CLK4: variants seen among roughly 807,000 people sequenced by gnomAD.
CLK4 encodes CDC like kinase 4.
In CLK4, 37 loss-of-function variants were observed where a neutral mutation model predicts 64.4. The observed-to-expected ratio is 0.57, with a 90% CI of 0.44 to 0.76. The LOEUF is 0.76. Ranked by LOEUF, CLK4 falls within the 30% of genes least tolerant of loss-of-function variation. The pLI, the probability that CLK4 is intolerant of heterozygous loss-of-function variation, is 0.00. For missense variants in CLK4, 457 were observed against 605.1 expected (o/e 0.76, Z 2.57); for synonymous variants, 175 against 191.6 (o/e 0.91, Z 0.72).
In CLK4 at chr5:178,612,888, A is replaced by T; in HGVS notation, c.829T>A (p.Leu277Ile). ...GTATGGGTTAATTTATTATGATGTA[A>T]AACTACAAGAGAACAAAAGCACATT... Reference protein sequence around the residue: ...AYQICQSINFLHHNKLTHTDL... With the variant: ...AYQICQSINFIHHNKLTHTDL... Residue 277 changes from leucine (L) to isoleucine (I), a missense_variant and splice_region_variant, in exon 8 of 13, where the codon TTA (leucine) becomes ATA (isoleucine). Coordinates refer to ENST00000316308, the MANE Select transcript of CLK4 (RefSeq NM_020666.3). The T allele has an allele frequency of 6.9e-7, 1 of 1,457,674 alleles. No individual in the cohort carries two copies. Among genetic ancestry groups the T allele is most frequent in the Non-Finnish European group, 9.5e-7 (1 of 1,050,362 alleles). 90.3% of individuals were successfully genotyped at this position (1,457,674 alleles called of 1,614,324 possible).
chr5:178,625,354 A>G (rs1029212731), intron 1 of CLK4, among the ~76,000 whole-genome samples: 4 of 151,254 alleles, frequency 2.6e-5, no homozygotes, highest in Non-Finnish European at 4.4e-5. Context: ...AGCCCAAGGA[A>G]GTCAAGGCTG....
intron 1 of CLK4, among the ~76,000 whole-genome samples, chr5:178,624,852 G>GA (rs1298412065): frequency 6.6e-6 from 1 of 152,120 alleles, no homozygotes; most frequent in Non-Finnish European, 1.5e-5. Context: ...ATTCTTCTGG[G>GA]AGGTATTCCA....
chr5:178,612,428 C>T lies in CLK4; in HGVS notation c.1039G>A (p.Glu347Lys), dbSNP rs1171473447. Reference protein sequence around the residue: ...LVSTRHYRAPEVILALGWSQP... With the variant: ...LVSTRHYRAPKVILALGWSQP... ...GGTGTCTACTGACCCAAAATGACCT[C>T]GGGAGCTCTGTAGTGCCGGGTAGAC... Residue 347 changes from glutamate (E) to lysine (K), a missense_variant, in exon 9 of 13, where the codon GAG becomes AAG. Transcript: ENST00000316308. 3 of 1,611,488 alleles carry T rather than the reference C, an allele frequency of 1.9e-6. No individual in the cohort carries two copies. The highest frequency in any genetic ancestry group is 2.5e-6 in the Non-Finnish European group (3 of 1,178,496).
chr5:178,623,257 A>C lies in CLK4; in HGVS notation c.160T>G (p.Cys54Gly). The C allele has an allele frequency of 1.2e-6, 2 of 1,613,176 alleles. No homozygotes were observed. The highest frequency in any genetic ancestry group is 2.2e-5 in the South Asian group (2 of 90,930). ...CTAGTAGTTCAAGAGTTAATTTACCAATCAGATTCTTTAAACTGGTGATGT... is the reference window on the plus strand; with the variant it reads ...CTAGTAGTTCAAGAGTTAATTTACCCATCAGATTCTTTAAACTGGTGATGT... ...KPHHQFKESD[C>G]HYLEARSLNE... The change falls in exon 2 of 13, where the codon TGT (cysteine) becomes GGT (glycine). Residue 54 changes from cysteine (C) to glycine (G), a missense_variant and splice_region_variant. Coordinates refer to ENST00000316308, the MANE Select transcript of CLK4 (RefSeq NM_020666.3).
At chr5:178,626,894 G>A (rs1185778943) in intron 1 of CLK4, 52 bp downstream of exon 1, 3 of 152,768 alleles carry the variant, frequency 2.0e-5, no homozygotes, top group African/African-American at 4.8e-5. Flanking sequence ...CTGGCTCGGA[G>A]ACCTAAAGAC....
intron 1 of CLK4, among the ~76,000 whole-genome samples, chr5:178,623,749 G>A (rs1464074905): frequency 2.0e-5 from 3 of 151,836 alleles, no homozygotes; most frequent in Non-Finnish European, 4.4e-5. Context: ...AAAAGCCGGG[G>A]GGGGCAAATA....
intron 11 of CLK4, chr5:178,604,282 G>A: frequency 6.0e-6 from 1 of 167,562 alleles, no homozygotes; most frequent in South Asian, 1.9e-4. Context: ...CTGCGATGAA[G>A]CTGTGTTTGG....
intron 2 of CLK4, chr5:178,619,665 T>A: frequency 6.7e-6 from 4 of 598,728 alleles, no homozygotes; most frequent in Non-Finnish European, 9.7e-6. Flanking sequence ...CCTTTGAAAA[T>A]CTGCTGAAAG....
chr5:178,609,616 G>C (rs1447894014), intron 9 of CLK4, among the ~76,000 whole-genome samples: 1 of 152,058 alleles, frequency 6.6e-6, no homozygotes, highest in Non-Finnish European at 1.5e-5. Context: ...CCGGAAGGCA[G>C]AGGTTGCAGT....
rs1467734886 is a variant in CLK4 at position 178,612,677 on chromosome 5, C to T, written c.921+119G>A. On this transcript the variant is annotated intron_variant, in intron 8 of 12. Coordinates refer to ENST00000316308, the MANE Select transcript of CLK4 (RefSeq NM_020666.3). ...TGAGAAAGGCAAAGAAGGATTACTT[C>T]TTTTTGGTTAAACAACAGGATATAA... 5.3e-6 allele frequency: 6 copies of T among 1,135,710 alleles called. No individual in the cohort carries two copies. In the Admixed American group the frequency reaches 1.3e-4, roughly 25 times the overall value. The allele number at this position is 1,135,710 out of a possible 1,614,324, so 70.4% of individuals were successfully genotyped here.
chr5:178,615,054 G>C (rs538465868), intron 5 of CLK4, among the ~76,000 whole-genome samples: 1 of 152,258 alleles, frequency 6.6e-6, no homozygotes, highest in African/African-American at 2.4e-5. Context: ...GCCAGATGTG[G>C]TACAGGTGTG....
intron 5 of CLK4, among the ~76,000 whole-genome samples, chr5:178,615,151 C>A (rs1764610171): frequency 1.3e-5 from 2 of 152,080 alleles, no homozygotes; most frequent in Admixed American, 1.3e-4. Flanking sequence ...AGGAGTTCCA[C>A]ACCAGCCAGA....
intron 1 of CLK4, among the ~76,000 whole-genome samples, chr5:178,625,290 T>C (rs563204113): frequency 6.6e-6 from 1 of 151,922 alleles, no homozygotes; most frequent in African/African-American, 2.4e-5. Context: ...TACAAAAAAT[T>C]AGCCGCACAT....
At position 178,623,343 on chromosome 5, in the gene CLK4, C is replaced by T. The variant is rs1764733958; in HGVS notation, c.74G>A (p.Gly25Glu). ...RESWGHESYR[G>E]SHKRKRRSHS... The stretch of plus-strand genomic sequence containing the variant: ...AGATCTCCTCTTCCGCTTGTGACTT[C>T]CACGATAGCTTTCATGTCCCCAGCT... The change falls in exon 2 of 13, where the codon GGA becomes GAA. Residue 25 changes from glycine (G) to glutamate (E), a missense_variant. By Grantham distance (98) the Gly-to-Glu change is moderately conservative. Transcript: ENST00000316308. The T allele has an allele frequency of 1.2e-6, 2 of 1,613,928 alleles. No individual in the cohort carries two copies. The highest frequency in any genetic ancestry group is 1.7e-6 in the Non-Finnish European group (2 of 1,179,982).
At chr5:178,610,937 G>A (rs1298567066) in intron 9 of CLK4, among the ~76,000 whole-genome samples, 3 of 152,000 alleles carry the variant, frequency 2.0e-5, no homozygotes, top group Admixed American at 6.6e-5. Context: ...GCCGGGTGTG[G>A]TGGTGGGCAC....
rs1764637776 is a variant in CLK4, at chr5:178,617,112, T to G, written c.476-164A>C. On this transcript the variant is annotated intron_variant, in intron 4 of 12. Transcript: ENST00000316308. This position sits in a 1 kb window ranked among gnomAD's most constrained non-coding sequence, Gnocchi z 5.2. ...TTAGTTTCAGCTGCTACAAAAACAA[T>G]TAGATAGAGCTATCTTTCTTGCTCT... The G allele has an allele frequency of 1.5e-6, 1 of 649,996 alleles. No homozygotes were observed. The highest frequency in any genetic ancestry group is 2.7e-6 in the Non-Finnish European group (1 of 368,522). 40.3% of individuals were successfully genotyped at this position (649,996 alleles called of 1,614,324 possible).
chr5:178,609,958 T>TA (rs1460170945), intron 9 of CLK4, among the ~76,000 whole-genome samples: 1 of 151,786 alleles, frequency 6.6e-6, no homozygotes, highest in Non-Finnish European at 1.5e-5. Context: ...TATTAACACA[T>TA]ACAAAATCCG....
At position 178,611,679 on chromosome 5, in the gene CLK4, C is replaced by T. The variant is rs73350301; in HGVS notation, c.1051+737G>A. 8.6e-3 allele frequency among the ~76,000 whole-genome samples: 1,306 copies of T among 152,156 alleles called. 27 individuals are homozygous for T. The highest frequency in any genetic ancestry group is 0.03 in the African/African-American group (1,236 of 41,518). On this transcript the variant is annotated intron_variant, in intron 9 of 12. Transcript: ENST00000316308. ...GAACTACCAAGTCCCGTTGGACACA[C>T]AAAAAAAGTAAAAAGTATTAAAATA... is the stretch of plus-strand genomic sequence containing the variant.
intron 3 of CLK4, chr5:178,618,349 T>G (rs1024994625): frequency 2.4e-5 from 5 of 211,180 alleles, no homozygotes; most frequent in Non-Finnish European, 3.6e-5. Flanking sequence ...TGAGGAAATG[T>G]GGGCAAATGA....
Sources: allele counts gnomAD v4.1 joint callset (sites outside exome capture counted in the v4.1 genomes callset), GRCh38; gene constraint gnomAD v4.1.1; non-coding constraint Gnocchi (gnomAD v3.1); transcripts MANE v1.5; gene names NCBI Gene and HGNC (gene_info 2026-07-23, HGNC 2026-07-21).